The following TGFBR3 variants were observed in gnomAD, a reference collection of about 807,000 sequenced individuals.
TGFBR3 encodes transforming growth factor beta receptor type 3.
A neutral mutation model predicts 87.9 loss-of-function variants in TGFBR3; 46 were observed. That is an observed-to-expected ratio of 0.52 (90% confidence interval 0.41 to 0.67). The LOEUF (loss-of-function observed/expected upper bound fraction) is 0.67. TGFBR3 is among the 30% of genes least tolerant of loss of function. The pLI, the probability that TGFBR3 is intolerant of heterozygous loss-of-function variation, is 0.00. For synonymous variants in TGFBR3, 381 were observed against 391.6 expected, an observed-to-expected ratio of 0.97 and a Z score of 0.32; for missense variants, 866 against 1,041.9, an observed-to-expected ratio of 0.83 and a Z score of 2.32.
intron 2 of TGFBR3, among the ~76,000 whole-genome samples, chr1:91,836,388 A>T (rs961441526): frequency 2.6e-5 from 4 of 151,740 alleles, no homozygotes; most frequent in Admixed American, 2.6e-4. Context: ...TCTTCAAAAC[A>T]ACCCAGGGAG....
intron 3 of TGFBR3, among the ~76,000 whole-genome samples, chr1:91,787,196 G>C (rs1347131751): frequency 6.6e-6 from 1 of 152,112 alleles, no homozygotes; most frequent in East Asian, 1.9e-4. Flanking sequence ...AGCTACTCAG[G>C]AGGCTGAGGC....
chr1:91,884,499 C>G (rs1332495639), intron 1 of TGFBR3, among the ~76,000 whole-genome samples: 3 of 152,102 alleles, frequency 2.0e-5, no homozygotes, highest in African/African-American at 7.2e-5. Flanking sequence ...AAATAGAAAG[C>G]TGAAAGATGG....
At chr1:91,853,114 G>C (rs1401397549) in intron 2 of TGFBR3, among the ~76,000 whole-genome samples, 1 of 151,548 alleles carries the variant, frequency 6.6e-6, no homozygotes, top group Non-Finnish European at 1.5e-5. Flanking sequence ...AGCCATGATC[G>C]CGCCACTGCA....
intron 2 of TGFBR3, among the ~76,000 whole-genome samples, chr1:91,857,844 A>G (rs1363402322): frequency 6.6e-6 from 1 of 152,220 alleles, no homozygotes; most frequent in Admixed American, 6.5e-5. Context: ...AGTGACTACT[A>G]CTGTGCTTTG....
In TGFBR3 at chr1:91,870,647, T is replaced by C. The variant is rs536516896; in HGVS notation, c.-113-9003A>G. On this transcript the variant is annotated intron_variant, in intron 1 of 16. Transcript: ENST00000212355. ...ATTTCCCATTTAATCTTCTCAACAA[T>C]ACAAGGAGACAGATGCCCTTTACTC... 1.1e-4 allele frequency among the ~76,000 whole-genome samples: 17 copies of C among 152,208 alleles called. No homozygotes were observed. The Middle Eastern group carries it at 0.014, about 122-fold the overall frequency.
At chr1:91,713,007 G>A (rs1672037374) in intron 12 of TGFBR3, among the ~76,000 whole-genome samples, 1 of 152,196 alleles carries the variant, frequency 6.6e-6, no homozygotes, top group African/African-American at 2.4e-5. Context: ...ACCTAGGCAG[G>A]AAGACTGAGC....
At chr1:91,846,607 G>A (rs1159269789) in intron 2 of TGFBR3, among the ~76,000 whole-genome samples, 2 of 151,920 alleles carry the variant, frequency 1.3e-5, no homozygotes, top group Non-Finnish European at 2.9e-5. Flanking sequence ...TTTCTTCTGA[G>A]TGAAGATTTG....
chr1:91,866,315 T>A (rs528806603), intron 1 of TGFBR3, among the ~76,000 whole-genome samples: 4 of 152,326 alleles, frequency 2.6e-5, no homozygotes, highest in Middle Eastern at 3.4e-3. Flanking sequence ...CCTGGCTACA[T>A]CCATGAGTTG....
At chr1:91,741,767 C>T (rs989747702) in intron 4 of TGFBR3, among the ~76,000 whole-genome samples, 22 of 152,136 alleles carry the variant, frequency 1.4e-4, no homozygotes, top group African/African-American at 5.3e-4. Context: ...TCCCTGGAGG[C>T]TTGCCACAAC....
intron 2 of TGFBR3, among the ~76,000 whole-genome samples, chr1:91,833,765 G>A (rs1286019116): frequency 7.0e-6 from 1 of 143,430 alleles, no homozygotes; most frequent in Non-Finnish European, 1.5e-5. Flanking sequence ...GGGTGACAGA[G>A]TGAGACTTCA....
intron 16 of TGFBR3, among the ~76,000 whole-genome samples, chr1:91,685,068 C>T (rs1483482644): frequency 6.6e-6 from 1 of 152,144 alleles, no homozygotes; most frequent in African/African-American, 2.4e-5. Flanking sequence ...CCTCAAAAGC[C>T]TCTGTGAAAA....
intron 2 of TGFBR3, among the ~76,000 whole-genome samples, chr1:91,813,794 A>G (rs1047131095): frequency 1.3e-5 from 2 of 152,218 alleles, no homozygotes; most frequent in Non-Finnish European, 2.9e-5. Flanking sequence ...GACTGGTTTC[A>G]TGGAAGACAG....
intron 16 of TGFBR3, 98 bp from the exon 17 acceptor site, chr1:91,683,955 G>T: frequency 8.5e-7 from 1 of 1,183,426 alleles, no homozygotes; most frequent in Non-Finnish European, 1.2e-6. Context: ...CATTTTAACT[G>T]ATATTTTTCT....
At chr1:91,800,824 C>A in intron 2 of TGFBR3, 1 of 158,834 alleles carries the variant, frequency 6.3e-6, no homozygotes, top group Non-Finnish European at 1.4e-5. Context: ...GTGGCTCATG[C>A]CGGTAATCCC....
At chr1:91,758,337 A>G (rs1033540898) in intron 4 of TGFBR3, among the ~76,000 whole-genome samples, 1 of 152,130 alleles carries the variant, frequency 6.6e-6, no homozygotes. Context: ...CTGAAACCAA[A>G]GCTCAGGCCA....
intron 6 of TGFBR3, among the ~76,000 whole-genome samples, chr1:91,728,127 A>G (rs1227509124): frequency 6.6e-6 from 1 of 152,184 alleles, no homozygotes; most frequent in African/African-American, 2.4e-5. Flanking sequence ...TTGAAGCAGT[A>G]TTGTTGCTTT....
intron 3 of TGFBR3, among the ~76,000 whole-genome samples, chr1:91,765,097 A>G (rs1674126531): frequency 6.6e-6 from 1 of 151,760 alleles, no homozygotes; most frequent in Middle Eastern, 3.2e-3. Context: ...GCATTCATGT[A>G]CTTTATGTGT....
intron 2 of TGFBR3, among the ~76,000 whole-genome samples, chr1:91,846,596 T>A (rs5005162): frequency 0.32 from 48,841 of 151,924 alleles, 8,018 homozygotes; most frequent in Non-Finnish European, 0.36. Flanking sequence ...AAGACATTTT[T>A]TTTCTTCTGA....
rs1480123302 is a variant in TGFBR3, at chr1:91,717,873, AC to A, written c.1567-1166del. On this transcript the variant is annotated intron_variant, in intron 10 of 16. Transcript: ENST00000212355. ...ATGCCTTTCTCTCCTGAAGCAACTGACTTTTTTTTTTTTTTATTTTTTCTTA... is the reference window on the plus strand; with the variant it reads ...ATGCCTTTCTCTCCTGAAGCAACTGATTTTTTTTTTTTTTATTTTTTCTTA... Among the ~76,000 whole-genome samples the A allele has an allele frequency of 1.3e-4, 13 of 97,042 alleles. No individual in the cohort carries two copies. In the Admixed American group the frequency reaches 1.4e-3, roughly 10 times the overall value. The allele number at this position is 97,042 out of a possible 152,430, so 63.7% of individuals were successfully genotyped here. A position where few individuals can be genotyped will look rare whatever the true frequency, so the allele number is the denominator to read the frequency against.
Sources: allele counts gnomAD v4.1 joint callset (sites outside exome capture counted in the v4.1 genomes callset), GRCh38; gene constraint gnomAD v4.1.1; transcripts MANE v1.5; gene names NCBI Gene and HGNC (gene_info 2026-07-23, HGNC 2026-07-21).